The following TENM2 variants were observed in gnomAD, a reference collection of about 807,000 sequenced individuals.
The protein encoded by TENM2 is teneurin-2.
In TENM2, 52 loss-of-function variants were observed where a neutral mutation model predicts 245.2. That is an observed-to-expected ratio of 0.21 (90% CI 0.17 to 0.27). TENM2 has a LOEUF of 0.27. Ranked by LOEUF, TENM2 falls within the 10% of genes least tolerant of loss-of-function variation. The probability of loss-of-function intolerance (pLI) is 1.00; values close to 1 mark genes in which losing one functional copy is unlikely to be tolerated. For synonymous variants in TENM2, 1,363 were observed against 1,438.9 expected (o/e 0.95, Z 1.19); for missense variants, 3,046 against 3,666.8 (o/e 0.83, Z 4.37).
At chr5:167,799,706 T>C (rs561787428) in intron 2 of TENM2, among the ~76,000 whole-genome samples, 8 of 152,324 alleles carry the variant, frequency 5.3e-5, no homozygotes, top group Non-Finnish European at 1.0e-4. Context: ...CTTGAAACTG[T>C]GGCAGATCCT....
chr5:167,472,153 A>G (rs2127513271), intron 2 of TENM2, among the ~76,000 whole-genome samples: 1 of 152,232 alleles, frequency 6.6e-6, no homozygotes, highest in South Asian at 2.1e-4. Context: ...CACTGAAGAC[A>G]TCCAATTTGG....
At chr5:167,147,957 G>A in the TENM2 span, among the ~76,000 whole-genome samples, 1 of 152,094 alleles carries the variant, frequency 6.6e-6, no homozygotes, top group African/African-American at 2.4e-5. Flanking sequence ...ATCTCTTTAA[G>A]GTTTCCATGC....
chr5:167,414,376 A>T (rs1423859564), intron 2 of TENM2, among the ~76,000 whole-genome samples: 5 of 152,172 alleles, frequency 3.3e-5, no homozygotes, highest in Admixed American at 3.3e-4. Flanking sequence ...TTTACTGTAG[A>T]AGGATCTTTA....
At chr5:167,437,405 G>T (rs1004383846) in intron 2 of TENM2, among the ~76,000 whole-genome samples, 1 of 152,174 alleles carries the variant, frequency 6.6e-6, no homozygotes, top group African/African-American at 2.4e-5. Flanking sequence ...TTGTATCTAA[G>T]AAGTAACTAA....
intron 2 of TENM2, among the ~76,000 whole-genome samples, chr5:167,604,583 A>G (rs1314080158): frequency 6.6e-6 from 1 of 152,160 alleles, no homozygotes; most frequent in Non-Finnish European, 1.5e-5. Flanking sequence ...TTTCTATAAG[A>G]CTTCTCATTT....
chr5:167,793,039 A>G (rs114634183), intron 2 of TENM2, among the ~76,000 whole-genome samples: 2,879 of 152,260 alleles, frequency 0.019, 95 homozygotes, highest in African/African-American at 0.065. Context: ...GTAAATTATG[A>G]GTTCCAACTG....
intron 27 of TENM2, among the ~76,000 whole-genome samples, chr5:168,259,294 G>A (rs1326025802): frequency 1.3e-5 from 2 of 151,856 alleles, no homozygotes; most frequent in Non-Finnish European, 2.9e-5. Context: ...TCTTTAAAGA[G>A]TAGGAAGGCT....
chr5:167,266,816 A>C, the TENM2 span, among the ~76,000 whole-genome samples: 2 of 152,342 alleles, frequency 1.3e-5, no homozygotes, highest in East Asian at 3.9e-4. Context: ...AATGGATGAT[A>C]ATACAGATAA....
the TENM2 span, among the ~76,000 whole-genome samples, chr5:167,175,791 C>G: frequency 6.6e-6 from 1 of 152,186 alleles, no homozygotes; most frequent in Non-Finnish European, 1.5e-5. Context: ...CTCACTGCAA[C>G]CTGAGCCTCC....
At chr5:167,515,790 T>C (rs750755435) in intron 2 of TENM2, among the ~76,000 whole-genome samples, 5 of 151,274 alleles carry the variant, frequency 3.3e-5, no homozygotes, top group Non-Finnish European at 7.4e-5. Context: ...CTCAGCCTCC[T>C]GAGTAGCTGG....
intron 2 of TENM2, chr5:167,755,294 G>T: frequency 5.3e-6 from 4 of 755,422 alleles, no homozygotes; most frequent in Non-Finnish European, 8.6e-6. Context: ...GGATACCAAG[G>T]GAGAGATGGG....
At chr5:167,280,167 G>A (rs1362496181), upstream of TENM2, among the ~76,000 whole-genome samples, 1 of 152,146 alleles carries the variant, frequency 6.6e-6, no homozygotes, top group African/African-American at 2.4e-5. Flanking sequence ...AGCCAACCCA[G>A]GGATAGAGGA....
At chr5:167,366,905 T>C (rs73367490) in intron 1 of TENM2, among the ~76,000 whole-genome samples, 4,002 of 152,256 alleles carry the variant, frequency 0.026, 175 homozygotes, top group African/African-American at 0.091. Context: ...AATACTGAAA[T>C]TGATTTTTAA....
intron 25 of TENM2, among the ~76,000 whole-genome samples, chr5:168,231,985 T>A (rs1240101341): frequency 3.9e-5 from 6 of 151,988 alleles, no homozygotes; most frequent in African/African-American, 1.4e-4. Context: ...GAGGACTGCT[T>A]GAGCACAGGA....
chr5:167,409,112 A>C (rs188144178), intron 2 of TENM2, among the ~76,000 whole-genome samples: 7 of 152,050 alleles, frequency 4.6e-5, no homozygotes, highest in Non-Finnish European at 7.4e-5. Context: ...TGGTCATGCT[A>C]TTCATAAAAA....
chr5:168,248,186 A>G (rs534727019), exon 27 of TENM2: 16 of 1,614,014 alleles, frequency 9.9e-6, no homozygotes, highest in South Asian at 5.5e-5. Context: ...GGGGGACTCT[A>G]TGACCCCCTG....
At chr5:167,156,170 A>G in the TENM2 span, among the ~76,000 whole-genome samples, 1 of 152,212 alleles carries the variant, frequency 6.6e-6, no homozygotes, top group Non-Finnish European at 1.5e-5. Context: ...TGTTTTGGAC[A>G]TACCTGAGAA....
At chr5:167,988,552 G>A (rs1279863526) in intron 4 of TENM2, among the ~76,000 whole-genome samples, 2 of 152,176 alleles carry the variant, frequency 1.3e-5, no homozygotes, top group Non-Finnish European at 2.9e-5. Flanking sequence ...AACAAGTTGT[G>A]CAGATATTTC....
At chr5:168,003,689 A>G (rs1031851316) in intron 5 of TENM2, among the ~76,000 whole-genome samples, 2 of 152,222 alleles carry the variant, frequency 1.3e-5, no homozygotes, top group African/African-American at 4.8e-5. Context: ...TCGCCACCTC[A>G]TCTTACATCA....
Sources: allele counts gnomAD v4.1 joint callset (sites outside exome capture counted in the v4.1 genomes callset), GRCh38; gene constraint gnomAD v4.1.1; transcripts MANE v1.5; gene names NCBI Gene and HGNC (gene_info 2026-07-23, HGNC 2026-07-21).